Variants in WEE2 observed in about 807,000 individuals in gnomAD.
WEE2 encodes WEE2 oocyte meiosis inhibiting kinase, also known as wee1-like protein kinase 2.
Under a neutral mutation model 60.1 loss-of-function variants are expected in WEE2, and 50 were observed. The observed-to-expected ratio is 0.83, with a 90% CI of 0.66 to 1.05. The LOEUF is 1.05. Ranked by LOEUF, WEE2 falls within the 50% of genes least tolerant of loss-of-function variation. The pLI is 0.00. For missense variants in WEE2, 631 were observed against 684.3 expected, an observed-to-expected ratio of 0.92 and a Z score of 0.87; for synonymous variants, 240 against 241.0, an observed-to-expected ratio of 1.00 and a Z score of 0.04.
intron 11 of WEE2, among the ~76,000 whole-genome samples, chr7:141,729,988 T>TA (rs752330849): frequency 0.05 from 5,002 of 99,102 alleles, 211 homozygotes; most frequent in East Asian, 0.14. Context: ...ACTCTGTATC[T>TA]AAAAAAAAAA....
At position 141,708,798 on chromosome 7, in the gene WEE2, T is replaced by C. The variant is rs371926856; in HGVS notation, c.40T>C (p.Leu14=). The change falls in exon 1 of 12, where the codon TTA becomes CTA. Residue 14 remains leucine, a synonymous_variant. Transcript: ENST00000397541. ...TATTGACAAAGAACTAAGGCAGAAA[T>C]TAAACTTTTCCTATTGTGAGGAGAC... ...KDIDKELRQK[L]NFSYCEETEI... The C allele has an allele frequency of 3.1e-6, 5 of 1,613,938 alleles. No homozygotes were observed. In the African/African-American group the frequency reaches 5.3e-5, roughly 17 times the overall value.
rs1004340781 is a variant in WEE2, at chr7:141,708,599, A to T, written c.-160A>T. On this transcript the variant is annotated 5_prime_UTR_variant, in exon 1 of 12. Coordinates refer to ENST00000397541, the MANE Select transcript of WEE2 (RefSeq NM_001105558.1). ...AGATTGGTGGTACTTAAGGCAGAAA[A>T]TTAACACCGTGTTTTGTAGCTGTTA... 6.3e-6 allele frequency: 4 copies of T among 639,760 alleles called. No individual in the cohort carries two copies. The highest frequency in any genetic ancestry group is 1.1e-5 in the Non-Finnish European group (4 of 365,368). 39.6% of individuals were successfully genotyped at this position (639,760 alleles called of 1,614,324 possible).
chr7:141,708,999 T>C lies in WEE2; in HGVS notation c.241T>C (p.Leu81=). The part of the protein sequence containing the change: ...EKDKESPDQI[L]RTPVSHPLKC... ...AGACAAAGAAAGTCCAGATCAGATT[T>C]TGAGGACTCCAGTGTCACACCCTCT... The change falls in exon 1 of 12, where the codon TTG becomes CTG. Residue 81 remains leucine (L), a synonymous_variant. Coordinates refer to ENST00000397541, the MANE Select transcript of WEE2 (RefSeq NM_001105558.1). 6.2e-7 allele frequency: 1 copy of C among 1,614,130 alleles called. No homozygotes were observed. The highest frequency in any genetic ancestry group is 1.1e-5 in the South Asian group (1 of 91,082).
intron 9 of WEE2, 140 bp downstream of exon 9, chr7:141,725,336 A>C (rs879871626): frequency 2.0e-6 from 2 of 1,013,714 alleles, no homozygotes; most frequent in Non-Finnish European, 2.8e-6. Context: ...CAGAAAAAAT[A>C]AGGGGCGGGT....
chr7:141,726,140 T>C (rs541036388), intron 9 of WEE2, among the ~76,000 whole-genome samples: 3 of 152,286 alleles, frequency 2.0e-5, no homozygotes, highest in South Asian at 2.1e-4. Context: ...AAAAAGCTTA[T>C]ACTGTCAAGA....
intron 2 of WEE2, 128 bp from the exon 3 acceptor site, chr7:141,716,094 C>A: frequency 1.4e-6 from 1 of 739,738 alleles, no homozygotes; most frequent in Non-Finnish European, 2.1e-6. Flanking sequence ...CCTGGTTATC[C>A]CTGCCTCCAC....
chr7:141,729,612 A>G lies in WEE2; in HGVS notation c.1617A>G (p.Thr539=). The G allele has an allele frequency of 6.2e-7, 1 of 1,614,186 alleles. No homozygotes were observed. The highest frequency in any genetic ancestry group is 8.5e-7 in the Non-Finnish European group (1 of 1,180,032). Reference sequence around the variant, plus strand: ...ACACTGGGGTCTCTGGGACCCACACAGGATCAAGAAGCACAAAACGCCTGG... The same window carrying G: ...ACACTGGGGTCTCTGGGACCCACACGGGATCAAGAAGCACAAAACGCCTGG... The part of the protein sequence containing the change: ...HGDTGVSGTH[T]GSRSTKRLVG... The change falls in exon 11 of 12, where the codon ACA becomes ACG. Residue 539 remains threonine (T), a synonymous_variant. Transcript: ENST00000397541.
At chr7:141,721,115 A>G in intron 5 of WEE2, 59 bp downstream of exon 5, 2 of 1,605,208 alleles carry the variant, frequency 1.2e-6, no homozygotes, top group Non-Finnish European at 8.5e-7. Context: ...AAGCCTTCAG[A>G]AATAAACTTT....
intron 1 of WEE2, among the ~76,000 whole-genome samples, chr7:141,712,903 G>GAGAAAT (rs2117103489): frequency 6.6e-6 from 1 of 152,218 alleles, no homozygotes; most frequent in African/African-American, 2.4e-5. Context: ...ATTGATAACT[G>GAGAAAT]AGAAATATCA....
At position 141,713,749 on chromosome 7, in the gene WEE2, T is replaced by A. The variant is rs1798746209; in HGVS notation, c.343-460T>A. Among the ~76,000 whole-genome samples, 6 of 152,332 alleles carry A rather than the reference T, an allele frequency of 3.9e-5. No individual in the cohort carries two copies. The South Asian group carries it at 1.2e-3, about 32-fold the overall frequency. On this transcript the variant is annotated intron_variant, in intron 1 of 11. Transcript: ENST00000397541. ...CTATATATTCCTTAAGATTTAGAAT[T>A]CACTTCTGTACCACTTGGCATCTAA...
rs907949570 is a variant in WEE2, at chr7:141,731,127, G to A, written c.*807G>A. On this transcript the variant is annotated 3_prime_UTR_variant, in exon 12 of 12. Coordinates refer to ENST00000397541, the MANE Select transcript of WEE2 (RefSeq NM_001105558.1). ...CTAGAAAATTATGTTGGTCATAAAGGTATTTGATAAGCTCTGTTTGTGTCA... is the reference window on the plus strand; with the variant it reads ...CTAGAAAATTATGTTGGTCATAAAGATATTTGATAAGCTCTGTTTGTGTCA... 2 of 152,080 alleles carry A rather than the reference G, an allele frequency of 1.3e-5. No individual in the cohort carries two copies. Among genetic ancestry groups the A allele is most frequent in the Non-Finnish European group, 2.9e-5 (2 of 68,008 alleles). 9.4% of individuals were successfully genotyped at this position (152,080 alleles called of 1,614,324 possible).
Position 141,720,651 on chromosome 7 carries a change from TA to T in WEE2, c.759-274del, listed in dbSNP as rs913717654. ...CCTCTTTACATATGCCATGTTAAAA[TA>T]AAAAAAAAACAATGGACTTTGGCAC... is the stretch of plus-strand genomic sequence containing the variant. On this transcript the variant is annotated intron_variant, in intron 4 of 11. Transcript: ENST00000397541. 1,133 of 367,896 alleles carry T rather than the reference TA, an allele frequency of 3.1e-3. 2 individuals are homozygous for T. The highest frequency in any genetic ancestry group is 6.8e-3 in the South Asian group (139 of 20,302). 22.8% of individuals were successfully genotyped at this position (367,896 alleles called of 1,614,324 possible).
chr7:141,713,469 G>A (rs927884540), intron 1 of WEE2, among the ~76,000 whole-genome samples: 1 of 152,116 alleles, frequency 6.6e-6, no homozygotes, highest in African/African-American at 2.4e-5. Context: ...TTCTCTTCTT[G>A]TATGCCACTT....
chr7:141,709,431 A>T (rs556103011), intron 1 of WEE2, among the ~76,000 whole-genome samples: 2 of 152,180 alleles, frequency 1.3e-5, no homozygotes, highest in African/African-American at 4.8e-5. Context: ...TGCAGTTTAC[A>T]TATGAGAAAA....
rs905047580 is a variant in WEE2 at position 141,725,032 on chromosome 7, C to T, written c.1228C>T (p.Arg410Trp). Residue 410 changes from arginine to tryptophan, a missense_variant, in exon 9 of 12, where the codon CGG becomes TGG. Coordinates refer to ENST00000397541, the MANE Select transcript of WEE2 (RefSeq NM_001105558.1). ...LANEILQEDY[R>W]HLPKADIFAL... is the part of the protein sequence containing the mutation. ...CCTGTCTTCTGTTTTGAAGGATTACCGGCACCTTCCCAAAGCAGACATATT... is the reference window on the plus strand; with the variant it reads ...CCTGTCTTCTGTTTTGAAGGATTACTGGCACCTTCCCAAAGCAGACATATT... The T allele has an allele frequency of 1.4e-5, 22 of 1,612,924 alleles. No homozygotes were observed. The highest frequency in any genetic ancestry group is 1.6e-4 in the Middle Eastern group (1 of 6,072).
chr7:141,720,397 G>C (rs1447273508), intron 4 of WEE2, among the ~76,000 whole-genome samples: 2 of 151,918 alleles, frequency 1.3e-5, no homozygotes, highest in African/African-American at 2.4e-5. Flanking sequence ...TATTCCATAA[G>C]GAATATCTCT....
intron 8 of WEE2, 47 bp from the exon 9 acceptor site, chr7:141,724,979 C>T: frequency 1.9e-6 from 3 of 1,588,734 alleles, no homozygotes; most frequent in South Asian, 1.1e-5. Flanking sequence ...AATCTAGACT[C>T]ACCCTGCTTG....
At chr7:141,728,587 A>C (rs1799062067) in intron 10 of WEE2, among the ~76,000 whole-genome samples, 1 of 152,220 alleles carries the variant, frequency 6.6e-6, no homozygotes, top group Non-Finnish European at 1.5e-5. Context: ...AGCTATGGAG[A>C]CACAGGTGAC....
intron 9 of WEE2, 147 bp from the exon 10 acceptor site, chr7:141,727,157 T>G: frequency 1.3e-6 from 1 of 773,072 alleles, no homozygotes; most frequent in Non-Finnish European, 2.1e-6. Flanking sequence ...CAGGTGGAGC[T>G]CAGTTTTCAT....
Sources: gnomAD v4.1 joint callset for allele counts (sites outside exome capture counted in the v4.1 genomes callset) on GRCh38, gnomAD v4.1.1 for gene constraint, MANE v1.5 for transcripts, NCBI Gene and HGNC (gene_info 2026-07-23, HGNC 2026-07-21) for gene names.